TRIO: variants seen among roughly 807,000 people sequenced by gnomAD.
TRIO encodes trio Rho guanine nucleotide exchange factor.
TRIO carries 58 observed loss-of-function variants against 351.9 expected under a neutral mutation model. The ratio of observed to expected loss-of-function variants is 0.16; its 90% confidence interval spans 0.13 to 0.21. The LOEUF (loss-of-function observed/expected upper bound fraction) is 0.21. Ranked by LOEUF, TRIO falls within the 10% of genes least tolerant of loss-of-function variation. The pLI is 1.00. For synonymous variants in TRIO, 1,758 were observed against 1,595.7 expected (o/e 1.10, Z -2.42); for missense variants, 3,201 against 4,027.8 (o/e 0.79, Z 5.56).
At chr5:14,410,676 T>G (rs1180160876) in intron 33 of TRIO, among the ~76,000 whole-genome samples, 1 of 152,188 alleles carries the variant, frequency 6.6e-6, no homozygotes, top group Non-Finnish European at 1.5e-5. Flanking sequence ...CGGGGGATGT[T>G]TTTGACTCGG....
chr5:14,374,322 G>A lies in TRIO; in HGVS notation c.3310G>A (p.Ala1104Thr). Residue 1104 changes from alanine to threonine, a missense_variant, in exon 19 of 57, where the codon GCT becomes ACT. Coordinates refer to ENST00000344204, the MANE Select transcript of TRIO (RefSeq NM_007118.4). Reference sequence around the variant, plus strand: ...GCCAGGAATGGTGACGCACATCAAAGCTCCTGAACAGCAAGTGAAAAGTGA... The same window carrying A: ...GCCAGGAATGGTGACGCACATCAAAACTCCTGAACAGCAAGTGAAAAGTGA... Reference protein sequence around the residue: ...NMPGMVTHIKAPEQQVKNILN... With the variant: ...NMPGMVTHIKTPEQQVKNILN... 6.2e-7 allele frequency: 1 copy of A among 1,613,306 alleles called. No individual in the cohort carries two copies. The highest frequency in any genetic ancestry group is 8.5e-7 in the Non-Finnish European group (1 of 1,179,494).
chr5:14,359,377 A>T lies in TRIO; in HGVS notation c.2237A>T (p.Asn746Ile). ...QQLRDSAISS[N>I]KTPHNSSINH... ...CGCAGGGACTCTGCCATCTCCAGTAACAAGACCCCCCACAACAGCTCCATC... is the reference window on the plus strand; with the variant it reads ...CGCAGGGACTCTGCCATCTCCAGTATCAAGACCCCCCACAACAGCTCCATC... The change falls in exon 13 of 57, where the codon AAC becomes ATC. Residue 746 changes from asparagine (N) to isoleucine (I), a missense_variant. Coordinates refer to ENST00000344204, the MANE Select transcript of TRIO (RefSeq NM_007118.4). 1 of 1,613,628 alleles carries T rather than the reference A, an allele frequency of 6.2e-7. No homozygotes were observed.
At position 14,420,038 on chromosome 5, in the gene TRIO, C is replaced by A. The variant is rs2152389594; in HGVS notation, c.5203+17C>A. Reference sequence around the variant, plus strand: ...ACCACAAAGGTAGGAATCAGTGGGGCATGGGTGGCAGACCCCTACTGGAAG... The same window carrying A: ...ACCACAAAGGTAGGAATCAGTGGGGAATGGGTGGCAGACCCCTACTGGAAG... On this transcript the variant is annotated intron_variant, in intron 34 of 56. Coordinates refer to ENST00000344204, the MANE Select transcript of TRIO (RefSeq NM_007118.4). The A allele has an allele frequency of 6.2e-7, 1 of 1,605,766 alleles. No individual in the cohort carries two copies.
At chr5:14,300,727 G>T (rs891472365) in intron 7 of TRIO, among the ~76,000 whole-genome samples, 1 of 152,138 alleles carries the variant, frequency 6.6e-6, no homozygotes, top group Non-Finnish European at 1.5e-5. Context: ...TATGGGGAGG[G>T]ATTTGGCCAT....
intron 1 of TRIO, among the ~76,000 whole-genome samples, chr5:14,259,432 C>T (rs746200483): frequency 1.3e-5 from 2 of 152,196 alleles, no homozygotes; most frequent in Non-Finnish European, 1.5e-5. Flanking sequence ...TTGTTTTCTG[C>T]GTTAGCAGAT....
intron 23 of TRIO, 111 bp from the exon 24 acceptor site, chr5:14,388,502 A>T (rs1280696029): frequency 9.3e-7 from 1 of 1,078,182 alleles, no homozygotes; most frequent in Non-Finnish European, 1.4e-6. Context: ...AAAATGATCA[A>T]TCTAAGACTA....
intron 55 of TRIO, among the ~76,000 whole-genome samples, chr5:14,506,860 A>AG (rs1757724630): frequency 6.6e-6 from 1 of 152,108 alleles, no homozygotes; most frequent in Non-Finnish European, 1.5e-5. Context: ...CCCCCGCAAC[A>AG]GGCGGGTTTG....
At chr5:14,241,974 C>T (rs1794153851) in intron 1 of TRIO, among the ~76,000 whole-genome samples, 1 of 152,218 alleles carries the variant, frequency 6.6e-6, no homozygotes, top group Admixed American at 6.5e-5. Flanking sequence ...ATTAATTACA[C>T]TGATCATAGT....
intron 6 of TRIO, among the ~76,000 whole-genome samples, chr5:14,296,776 T>C (rs1363462383): frequency 2.0e-5 from 3 of 152,324 alleles, no homozygotes; most frequent in African/African-American, 2.4e-5. Context: ...TGAGTAATAG[T>C]ATATTTGTGT....
intron 38 of TRIO, 69 bp from the exon 39 acceptor site, chr5:14,472,523 A>G: frequency 6.4e-7 from 1 of 1,553,328 alleles, no homozygotes; most frequent in Non-Finnish European, 8.9e-7. Context: ...CATCTTGACC[A>G]GGAGCAAAGG....
At chr5:14,261,488 A>G (rs942582698) in intron 1 of TRIO, among the ~76,000 whole-genome samples, 2 of 152,244 alleles carry the variant, frequency 1.3e-5, no homozygotes, top group Non-Finnish European at 2.9e-5. Context: ...TCAGAAGAAC[A>G]AAGGCGGATG....
At position 14,462,896 on chromosome 5, in the gene TRIO, C is replaced by G. The variant is rs760914653; in HGVS notation, c.5638C>G (p.Leu1880Val). 1 of 1,604,820 alleles carries G rather than the reference C, an allele frequency of 6.2e-7. No individual in the cohort carries two copies. The highest frequency in any genetic ancestry group is 8.5e-7 in the Non-Finnish European group (1 of 1,175,880). ...ACCCATGGCCATCCAGCAGCACAGC[C>G]TCCTCCAGCCAGACTCACAGGATGA... Reference protein sequence around the residue: ...PPPMAIQQHSLLQPDSQDDKA... With the variant: ...PPPMAIQQHSVLQPDSQDDKA... Residue 1880 changes from leucine (L) to valine (V), a missense_variant, in exon 36 of 57, where the codon CTC becomes GTC. By Grantham distance (32) the Leu-to-Val change is conservative. This residue lies in a region of TRIO where 307 missense variants were observed against 396.5 expected (regional missense o/e 0.77). Coordinates refer to ENST00000344204, the MANE Select transcript of TRIO (RefSeq NM_007118.4).
At chr5:14,157,663 C>G (rs1035320139) in intron 1 of TRIO, among the ~76,000 whole-genome samples, 1 of 152,122 alleles carries the variant, frequency 6.6e-6, no homozygotes, top group African/African-American at 2.4e-5. Flanking sequence ...TCTCGGCTCA[C>G]TGCAGCCTCC....
intron 10 of TRIO, among the ~76,000 whole-genome samples, chr5:14,334,396 G>A (rs1047359040): frequency 2.0e-5 from 3 of 152,140 alleles, no homozygotes; most frequent in Non-Finnish European, 4.4e-5. Flanking sequence ...GGAAATAAAT[G>A]ATGGCTGTTT....
intron 15 of TRIO, 91 bp from the exon 16 acceptor site, chr5:14,366,769 G>T: frequency 1.3e-6 from 2 of 1,558,794 alleles, no homozygotes; most frequent in South Asian, 1.2e-5. Flanking sequence ...GGAGCAACTG[G>T]ACTATCTTGC....
chr5:14,156,304 T>C (rs1788099640), intron 1 of TRIO, among the ~76,000 whole-genome samples: 1 of 152,128 alleles, frequency 6.6e-6, no homozygotes, highest in Non-Finnish European at 1.5e-5. Context: ...AAATGGTTCA[T>C]TTTAGTAGTG....
rs917571624 is a variant in TRIO, at chr5:14,359,369, C to T, written c.2229C>T (p.Ile743=). ...DLIQQLRDSA[I]SSNKTPHNSS... is the part of the protein sequence containing the mutation. ...TGTGCTCTCGCAGGGACTCTGCCAT[C>T]TCCAGTAACAAGACCCCCCACAACA... The change falls in exon 13 of 57, where the codon ATC becomes ATT. Residue 743 remains isoleucine (I), a synonymous_variant. Transcript: ENST00000344204. 3 of 1,612,984 alleles carry T rather than the reference C, an allele frequency of 1.9e-6. No individual in the cohort carries two copies. Among genetic ancestry groups the T allele is most frequent in the Non-Finnish European group, 2.5e-6 (3 of 1,179,096 alleles).
At chr5:14,479,220 C>T in intron 41 of TRIO, 41 bp from the exon 42 acceptor site, 1 of 1,534,662 alleles carries the variant, frequency 6.5e-7, no homozygotes, top group Non-Finnish European at 9.0e-7. Flanking sequence ...AATCGAATTT[C>T]CCATTGTTAT....
At chr5:14,460,751 G>C (rs765201040) in intron 34 of TRIO, among the ~76,000 whole-genome samples, 2 of 152,182 alleles carry the variant, frequency 1.3e-5, no homozygotes, top group Non-Finnish European at 1.5e-5. Flanking sequence ...TAACGATGCT[G>C]GTCTTCAGGA....
Sources: gnomAD v4.1 joint callset for allele counts (sites outside exome capture counted in the v4.1 genomes callset) on GRCh38, gnomAD v4.1.1 for gene constraint, gnomAD v4.1.1 regional missense constraint, MANE v1.5 for transcripts, NCBI Gene and HGNC (gene_info 2026-07-23, HGNC 2026-07-21) for gene names.